Variants in KAZN observed in about 807,000 individuals in gnomAD.
KAZN encodes kazrin, periplakin interacting protein, also known as kazrin.
A neutral mutation model predicts 87.4 loss-of-function variants in KAZN; 40 were observed. That is an observed-to-expected ratio of 0.46 (90% CI 0.36 to 0.60). KAZN has a LOEUF of 0.60. Ranked by LOEUF, KAZN falls within the 20% of genes least tolerant of loss-of-function variation. KAZN has a pLI of 0.00. For missense variants in KAZN, 898 were observed against 1,073.9 expected, an observed-to-expected ratio of 0.84 and a Z score of 2.29; for synonymous variants, 466 against 458.3, an observed-to-expected ratio of 1.02 and a Z score of -0.22.
intron 1 of KAZN, among the ~76,000 whole-genome samples, chr1:14,848,425 C>T (rs935347927): frequency 2.0e-5 from 3 of 152,160 alleles, no homozygotes; most frequent in Admixed American, 6.5e-5. Context: ...CCGTGCCTAC[C>T]GCAGAGGTAT....
intron 1 of KAZN, among the ~76,000 whole-genome samples, chr1:13,922,562 G>A (rs527735654): frequency 1.3e-5 from 2 of 152,172 alleles, no homozygotes; most frequent in Non-Finnish European, 2.9e-5. Context: ...GCTTGTGCTT[G>A]CTGTGCTTAG....
chr1:14,505,839 C>T (rs370627757), intron 2 of KAZN, among the ~76,000 whole-genome samples: 5 of 151,932 alleles, frequency 3.3e-5, no homozygotes, highest in South Asian at 2.1e-4. Context: ...CCAGGCGTGG[C>T]GGCATGATCC....
intron 2 of KAZN, among the ~76,000 whole-genome samples, chr1:14,336,649 C>T (rs1156558437): frequency 6.6e-6 from 1 of 152,134 alleles, no homozygotes; most frequent in East Asian, 1.9e-4. Flanking sequence ...TTTAGTCATT[C>T]TCATGATTGT....
At chr1:14,288,063 C>T (rs1273957660) in intron 2 of KAZN, among the ~76,000 whole-genome samples, 15 of 152,180 alleles carry the variant, frequency 9.9e-5, no homozygotes, top group Admixed American at 8.5e-4. Context: ...TTTTGATGTG[C>T]TGCTGGATTC....
chr1:15,091,119 CA>C (rs1465561171), intron 8 of KAZN, among the ~76,000 whole-genome samples: 1 of 152,136 alleles, frequency 6.6e-6, no homozygotes, highest in Non-Finnish European at 1.5e-5. Flanking sequence ...CTCACACTCA[CA>C]CGGGCACATT....
intron 2 of KAZN, among the ~76,000 whole-genome samples, chr1:14,439,632 C>T (rs1013171769): frequency 6.6e-6 from 1 of 152,222 alleles, no homozygotes; most frequent in South Asian, 2.1e-4. Flanking sequence ...AAATATAACT[C>T]ATGTGACTAA....
intron 2 of KAZN, among the ~76,000 whole-genome samples, chr1:14,378,996 T>C (rs1661141896): frequency 6.7e-6 from 1 of 149,004 alleles, no homozygotes; most frequent in Non-Finnish European, 1.5e-5. Context: ...TTCCTTCTGC[T>C]TGAGGAGAGA....
At chr1:13,949,105 C>G (rs74766866) in intron 1 of KAZN, among the ~76,000 whole-genome samples, 2,262 of 152,312 alleles carry the variant, frequency 0.015, 51 homozygotes, top group African/African-American at 0.05. Flanking sequence ...TCTTTCCAGC[C>G]AGCATTCTGG....
At chr1:14,235,421 A>G (rs1648316668) in intron 2 of KAZN, among the ~76,000 whole-genome samples, 1 of 152,210 alleles carries the variant, frequency 6.6e-6, no homozygotes, top group Non-Finnish European at 1.5e-5. Context: ...ATAAATTCAT[A>G]GTCAGAAAGC....
At chr1:13,902,943 T>A (rs987172284) in intron 1 of KAZN, among the ~76,000 whole-genome samples, 4 of 152,172 alleles carry the variant, frequency 2.6e-5, no homozygotes, top group African/African-American at 9.7e-5. Flanking sequence ...TCCATGATGG[T>A]CCCCATGATA....
chr1:14,169,186 C>T (rs1056401587), intron 1 of KAZN, among the ~76,000 whole-genome samples: 14 of 152,034 alleles, frequency 9.2e-5, no homozygotes, highest in African/African-American at 3.1e-4. Context: ...GGGCAGGAGA[C>T]GGCTGGGTCT....
Position 14,599,248 on chromosome 1 carries a change from C to A in KAZN, c.226+25C>A, listed in dbSNP as rs1451768700. The A allele has an allele frequency of 7.4e-7, 1 of 1,345,360 alleles. No individual in the cohort carries two copies. Among genetic ancestry groups the A allele is most frequent in the Non-Finnish European group, 9.5e-7 (1 of 1,052,978 alleles). 83.3% of individuals were successfully genotyped at this position (1,345,360 alleles called of 1,614,324 possible). ...GGTAGGATCGCCCCGGCGCCCAGGG[C>A]GGAGGAAGGCGAGCAGAGCACGCCC... On this transcript the variant is annotated intron_variant, in intron 1 of 14. Coordinates refer to ENST00000376030, the MANE Select transcript of KAZN (RefSeq NM_201628.3). The surrounding 1 kb of genome is among the most constrained non-coding windows in gnomAD (Gnocchi z 4.4).
At chr1:14,339,487 A>G (rs919441250) in intron 2 of KAZN, among the ~76,000 whole-genome samples, 1 of 152,152 alleles carries the variant, frequency 6.6e-6, no homozygotes, top group African/African-American at 2.4e-5. Context: ...GGCTCACTTG[A>G]TGACAGGGGC....
chr1:14,551,358 A>G (rs1673507505), intron 2 of KAZN, among the ~76,000 whole-genome samples: 1 of 152,186 alleles, frequency 6.6e-6, no homozygotes, highest in Non-Finnish European at 1.5e-5. Context: ...AAAACTTTGC[A>G]CAGCTCTCTA....
intron 2 of KAZN, among the ~76,000 whole-genome samples, chr1:14,524,939 G>T (rs1436808676): frequency 2.0e-5 from 3 of 152,186 alleles, no homozygotes; most frequent in African/African-American, 7.2e-5. Flanking sequence ...ACCCAGCAAG[G>T]TCTGGAGAGA....
At chr1:14,444,180 A>G (rs1001951988) in intron 2 of KAZN, among the ~76,000 whole-genome samples, 2 of 152,202 alleles carry the variant, frequency 1.3e-5, no homozygotes, top group African/African-American at 4.8e-5. Context: ...AACCTTCATG[A>G]GATGTACATA....
intron 2 of KAZN, among the ~76,000 whole-genome samples, chr1:14,986,360 C>T (rs1354006662): frequency 1.3e-5 from 2 of 152,196 alleles, no homozygotes; most frequent in African/African-American, 2.4e-5. Flanking sequence ...GCCACCTCAC[C>T]GTTATGTGCC....
chr1:14,985,378 A>T (rs1483260888), intron 2 of KAZN, among the ~76,000 whole-genome samples: 2 of 151,436 alleles, frequency 1.3e-5, no homozygotes, highest in South Asian at 2.1e-4. Context: ...AAACATTTTT[A>T]AAAATTAGCT....
chr1:14,533,196 C>T (rs1192240775), intron 2 of KAZN, among the ~76,000 whole-genome samples: 3 of 152,098 alleles, frequency 2.0e-5, no homozygotes. Context: ...AAAAATTGCC[C>T]AGAGCATTTC....
Sources: gnomAD v4.1 joint callset for allele counts (sites outside exome capture counted in the v4.1 genomes callset) on GRCh38, gnomAD v4.1.1 for gene constraint, Gnocchi (gnomAD v3.1) non-coding constraint, MANE v1.5 for transcripts, NCBI Gene and HGNC (gene_info 2026-07-23, HGNC 2026-07-21) for gene names.